The following KIF6 variants were observed in gnomAD, a reference collection of about 807,000 sequenced individuals.
KIF6 encodes the protein kinesin-like protein KIF6.
Under a neutral mutation model 112.7 loss-of-function variants are expected in KIF6, and 106 were observed. That is an observed-to-expected ratio of 0.94 (90% CI 0.80 to 1.11). The LOEUF (loss-of-function observed/expected upper bound fraction) is 1.11. Among genes scored for constraint, KIF6 ranks in the 50% least tolerant of loss-of-function variants. KIF6 has a pLI of 0.00. For synonymous variants in KIF6, 339 were observed against 339.9 expected, an observed-to-expected ratio of 1.00 and a Z score of 0.03; for missense variants, 929 against 964.0, an observed-to-expected ratio of 0.96 and a Z score of 0.48.
intron 19 of KIF6, among the ~76,000 whole-genome samples, chr6:39,350,598 C>T (rs966793634): frequency 1.3e-5 from 2 of 152,088 alleles, no homozygotes; most frequent in Admixed American, 1.3e-4. Flanking sequence ...CCCTTGGGAA[C>T]GTGGGAATGC....
chr6:39,454,130 GGTGA>G (rs1203344799), intron 13 of KIF6, among the ~76,000 whole-genome samples: 2 of 152,116 alleles, frequency 1.3e-5, no homozygotes, highest in Non-Finnish European at 2.9e-5. Context: ...TAAGTAGCAT[GGTGA>G]GTATGTATTA....
chr6:39,593,633 C>T lies in KIF6; in HGVS notation c.846+2421G>A, dbSNP rs552274667. Among the ~76,000 whole-genome samples, 4 of 152,280 alleles carry T rather than the reference C, an allele frequency of 2.6e-5. No homozygotes were observed. In the South Asian group the frequency reaches 8.3e-4, roughly 32 times the overall value. On this transcript the variant is annotated intron_variant, in intron 7 of 22. Transcript: ENST00000287152. ...GTGGGTGAAAATGAAACATCGGTTA[C>T]AGAGACCAAGGGGCAATGACATGTG...
intron 10 of KIF6, among the ~76,000 whole-genome samples, chr6:39,573,595 C>A (rs1780763185): frequency 6.6e-6 from 1 of 152,074 alleles, no homozygotes; most frequent in Non-Finnish European, 1.5e-5. Context: ...ATTTGTTCTC[C>A]CTAACTGCTA....
At chr6:39,600,008 C>G (rs1237981268) in intron 6 of KIF6, among the ~76,000 whole-genome samples, 1 of 152,114 alleles carries the variant, frequency 6.6e-6, no homozygotes, top group Non-Finnish European at 1.5e-5. Context: ...AGTTGGTGTC[C>G]TCTTAGATAA....
At chr6:39,508,915 G>A (rs1247644176) in intron 13 of KIF6, among the ~76,000 whole-genome samples, 1 of 152,168 alleles carries the variant, frequency 6.6e-6, no homozygotes, top group Non-Finnish European at 1.5e-5. Context: ...CAAACAGACT[G>A]CCTCCTCAAG....
At chr6:39,554,019 G>A (rs1256750450) in intron 10 of KIF6, 1 of 155,464 alleles carries the variant, frequency 6.4e-6, no homozygotes, top group Non-Finnish European at 1.5e-5. Context: ...GAAGGCATAG[G>A]GCTAATGGAG....
At chr6:39,462,333 C>A (rs1773527775) in intron 13 of KIF6, among the ~76,000 whole-genome samples, 1 of 152,162 alleles carries the variant, frequency 6.6e-6, no homozygotes, top group Non-Finnish European at 1.5e-5. Flanking sequence ...TAGGAAACAT[C>A]TTATCACCAT....
At chr6:39,346,086 C>CTCTCTCTCT (rs1326236666) in intron 20 of KIF6, among the ~76,000 whole-genome samples, 2,843 of 26,890 alleles carry the variant, frequency 0.11, 619 homozygotes, top group Middle Eastern at 0.31. Context: ...CTCTCTCTCT[C>CTCTCTCTCT]CCCCCCCTCT....
chr6:39,657,100 G>A (rs570293348), intron 3 of KIF6, among the ~76,000 whole-genome samples: 12 of 152,146 alleles, frequency 7.9e-5, no homozygotes, highest in African/African-American at 2.6e-4. Flanking sequence ...AGGCCTGGTG[G>A]TGCGTGCCTG....
chr6:39,613,313 A>T lies in KIF6; in HGVS notation c.515T>A (p.Val172Glu). The T allele has an allele frequency of 6.3e-7, 1 of 1,581,132 alleles. No individual in the cohort carries two copies. Among genetic ancestry groups the T allele is most frequent in the Non-Finnish European group, 8.6e-7 (1 of 1,167,192 alleles). ...CTGATCAGGATCCTCCAGTATTGTCACTTTCCTAAGCAAATGGGAAGCAAG... is the reference window on the plus strand; with the variant it reads ...CTGATCAGGATCCTCCAGTATTGTCTCTTTCCTAAGCAAATGGGAAGCAAG... ...EASSLEDLPK[V>E]TILEDPDQNI... is the part of the protein sequence containing the mutation. Residue 172 changes from valine to glutamate, a missense_variant, in exon 6 of 23, where the codon GTG becomes GAG. By Grantham distance (121) the Val-to-Glu change is moderately radical. Coordinates refer to ENST00000287152, the MANE Select transcript of KIF6 (RefSeq NM_145027.6).
chr6:39,662,703 A>T (rs1786229345), intron 3 of KIF6, among the ~76,000 whole-genome samples: 1 of 152,132 alleles, frequency 6.6e-6, no homozygotes, highest in Admixed American at 6.6e-5. Context: ...CTGAGCCCCT[A>T]TCTCAAAAAA....
intron 3 of KIF6, among the ~76,000 whole-genome samples, chr6:39,645,197 T>C (rs909568907): frequency 1.3e-5 from 2 of 152,142 alleles, no homozygotes; most frequent in East Asian, 3.9e-4. Flanking sequence ...AAGTTTAAAT[T>C]AGGAAGCTAA....
At chr6:39,459,541 A>C (rs1486309650) in intron 13 of KIF6, among the ~76,000 whole-genome samples, 1 of 11,616 alleles carries the variant, frequency 8.6e-5, no homozygotes, top group African/African-American at 4.6e-4. Context: ...ATTAAACTAA[A>C]GAGCTTCTGC....
At chr6:39,458,052 G>T (rs1239024040) in intron 13 of KIF6, among the ~76,000 whole-genome samples, 4 of 151,682 alleles carry the variant, frequency 2.6e-5, no homozygotes, top group Admixed American at 6.6e-5. Flanking sequence ...ACCAAAGCTG[G>T]GCAGAGACAC....
At chr6:39,538,514 G>T (rs1778582647) in intron 13 of KIF6, among the ~76,000 whole-genome samples, 1 of 152,070 alleles carries the variant, frequency 6.6e-6, no homozygotes, top group East Asian at 1.9e-4. Flanking sequence ...AAACCACAAT[G>T]AGATACCATC....
chr6:39,495,069 T>C (rs192228420), intron 13 of KIF6, among the ~76,000 whole-genome samples: 1 of 152,314 alleles, frequency 6.6e-6, no homozygotes, highest in East Asian at 1.9e-4. Flanking sequence ...ACTCCCGAGC[T>C]AACTAGTCAC....
intron 9 of KIF6, among the ~76,000 whole-genome samples, chr6:39,584,408 C>A: frequency 2.3e-5 from 2 of 86,592 alleles, no homozygotes; most frequent in African/African-American, 4.2e-5. Context: ...CTGAGCAAGA[C>A]TCTGTCTCTA....
intron 13 of KIF6, among the ~76,000 whole-genome samples, chr6:39,460,095 T>C (rs1773365952): frequency 6.7e-6 from 1 of 150,062 alleles, no homozygotes; most frequent in African/African-American, 2.5e-5. Context: ...TGTGGCATTA[T>C]GCACAATAGC....
At chr6:39,698,741 G>T (rs1788697722) in intron 3 of KIF6, among the ~76,000 whole-genome samples, 1 of 152,112 alleles carries the variant, frequency 6.6e-6, no homozygotes, top group Non-Finnish European at 1.5e-5. Context: ...TTTTACAACT[G>T]TTTTAGCTTT....
Sources: allele counts gnomAD v4.1 joint callset (sites outside exome capture counted in the v4.1 genomes callset), GRCh38; gene constraint gnomAD v4.1.1; transcripts MANE v1.5; gene names NCBI Gene and HGNC (gene_info 2026-07-23, HGNC 2026-07-21).